Variants in MOSMO observed in about 807,000 individuals in gnomAD.
MOSMO encodes the protein modulator of smoothened.
A neutral mutation model predicts 18.4 loss-of-function variants in MOSMO; 5 were observed. The ratio of observed to expected loss-of-function variants is 0.27; its 90% CI spans 0.14 to 0.57. MOSMO has a LOEUF of 0.57. Among genes scored for constraint, MOSMO ranks in the 20% least tolerant of loss-of-function variants. The probability of loss-of-function intolerance (pLI) is 0.92; values close to 1 mark genes in which losing one functional copy is unlikely to be tolerated. For synonymous variants in MOSMO, 82 were observed against 82.3 expected (o/e 1.00, Z 0.02); for missense variants, 138 against 211.8 (o/e 0.65, Z 2.16).
rs1376861620 is a variant in MOSMO at position 22,075,521 on chromosome 16, A to G, written c.141A>G (p.Gln47=). The change falls in exon 2 of 3, where the codon CAA becomes CAG. Residue 47 remains glutamine (Q), a synonymous_variant. Coordinates refer to ENST00000542527, the MANE Select transcript of MOSMO (RefSeq NM_001164579.2). ...ALTVGLVRQC[Q]TIHGRDRTCI... is the part of the protein sequence containing the mutation. ...CTGTGGGCCTCGTGCGACAGTGTCA[A>G]ACAATCCATGGACGAGACCGGACGT... is the stretch of plus-strand genomic sequence containing the variant. The G allele has an allele frequency of 5.9e-6, 9 of 1,537,316 alleles. No individual in the cohort carries two copies. The highest frequency in any genetic ancestry group is 7.8e-6 in the Non-Finnish European group (9 of 1,146,918).
At chr16:22,076,981 C>A (rs1312988584) in intron 2 of MOSMO, among the ~76,000 whole-genome samples, 3 of 152,264 alleles carry the variant, frequency 2.0e-5, no homozygotes, top group East Asian at 1.9e-4. Context: ...TGAGACAATT[C>A]TTTTCTGGAG....
intron 1 of MOSMO, among the ~76,000 whole-genome samples, chr16:22,060,974 C>T (rs922932239): frequency 6.6e-6 from 1 of 152,026 alleles, no homozygotes; most frequent in African/African-American, 2.4e-5. Flanking sequence ...CTAAGCTTTT[C>T]ACTCCTAGGT....
chr16:22,091,256 G>T (rs575016844), downstream of MOSMO, among the ~76,000 whole-genome samples: 42 of 152,172 alleles, frequency 2.8e-4, no homozygotes, highest in Non-Finnish European at 5.6e-4. Context: ...CTCAACCCCA[G>T]TGACCAGTGG....
At chr16:22,030,368 A>G (rs72784926) in intron 1 of MOSMO, among the ~76,000 whole-genome samples, 125 of 152,318 alleles carry the variant, frequency 8.2e-4, no homozygotes, top group Non-Finnish European at 9.8e-4. Flanking sequence ...TTAAAAGTGT[A>G]TGTCTGCACA....
intron 1 of MOSMO, among the ~76,000 whole-genome samples, chr16:22,032,807 C>G (rs1183554333): frequency 6.6e-6 from 1 of 152,154 alleles, no homozygotes; most frequent in African/African-American, 2.4e-5. Context: ...CTCGACCTCC[C>G]AAAGTCTCGG....
At chr16:22,073,857 A>G (rs1158429983) in intron 1 of MOSMO, among the ~76,000 whole-genome samples, 1 of 151,976 alleles carries the variant, frequency 6.6e-6, no homozygotes, top group Non-Finnish European at 1.5e-5. Context: ...CCATAAGTAT[A>G]ATGTTGCTTG....
chr16:22,085,107 G>A (rs1199722867), downstream of MOSMO: 1 of 152,204 alleles, frequency 6.6e-6, no homozygotes, highest in East Asian at 1.9e-4. Flanking sequence ...GGCTGGAGGA[G>A]CAAATACAGA....
intron 1 of MOSMO, among the ~76,000 whole-genome samples, chr16:22,019,088 A>T (rs924404816): frequency 5.3e-5 from 8 of 152,202 alleles, no homozygotes; most frequent in African/African-American, 1.9e-4. Flanking sequence ...CAGAGAAGTC[A>T]CTTGCCTAAT....
chr16:22,031,992 G>A (rs1425079206), intron 1 of MOSMO, among the ~76,000 whole-genome samples: 1 of 152,126 alleles, frequency 6.6e-6, no homozygotes, highest in Non-Finnish European at 1.5e-5. Flanking sequence ...GAGGGTTCCA[G>A]TTTCTCCACA....
At chr16:22,011,646 G>T (rs930624873) in intron 1 of MOSMO, among the ~76,000 whole-genome samples, 3 of 152,146 alleles carry the variant, frequency 2.0e-5, no homozygotes, top group African/African-American at 7.2e-5. Flanking sequence ...ACAATGTGTG[G>T]CTGATGTGGG....
downstream of MOSMO, among the ~76,000 whole-genome samples, chr16:22,087,902 T>C (rs1901216386): frequency 6.6e-6 from 1 of 152,164 alleles, no homozygotes; most frequent in Non-Finnish European, 1.5e-5. Context: ...AAAAATAATA[T>C]AGGAAACAAA....
chr16:22,053,828 C>T (rs1197457699), intron 1 of MOSMO, among the ~76,000 whole-genome samples: 1 of 152,030 alleles, frequency 6.6e-6, no homozygotes, highest in African/African-American at 2.4e-5. Context: ...GTTATTGCTT[C>T]AAGGAAAAGA....
intron 2 of MOSMO, among the ~76,000 whole-genome samples, chr16:22,077,077 T>C (rs983628183): frequency 1.3e-5 from 2 of 152,166 alleles, no homozygotes; most frequent in African/African-American, 4.8e-5. Flanking sequence ...CTTCTTTATC[T>C]TTTACTCACA....
chr16:22,057,182 G>A (rs1165481573), intron 1 of MOSMO, among the ~76,000 whole-genome samples: 1 of 152,142 alleles, frequency 6.6e-6, no homozygotes, highest in Non-Finnish European at 1.5e-5. Flanking sequence ...CAATACCTAA[G>A]ACTGGGTACT....
chr16:22,042,319 C>A (rs1211201568), intron 1 of MOSMO, among the ~76,000 whole-genome samples: 3 of 130,038 alleles, frequency 2.3e-5, no homozygotes, highest in Non-Finnish European at 5.4e-5. Flanking sequence ...TATTTGACAC[C>A]TTTTCTAGGC....
intron 1 of MOSMO, among the ~76,000 whole-genome samples, chr16:22,062,722 C>A (rs1900671447): frequency 6.6e-6 from 1 of 152,190 alleles, no homozygotes; most frequent in East Asian, 1.9e-4. Context: ...GTTCTGAGTG[C>A]TCTGTATACA....
At chr16:22,029,635 A>C (rs1899953914) in intron 1 of MOSMO, among the ~76,000 whole-genome samples, 1 of 152,040 alleles carries the variant, frequency 6.6e-6, no homozygotes, top group South Asian at 2.1e-4. Context: ...TTATTTATTT[A>C]TTTATTTAGA....
chr16:22,035,995 T>C (rs970537865), intron 1 of MOSMO, among the ~76,000 whole-genome samples: 2 of 152,232 alleles, frequency 1.3e-5, no homozygotes, highest in African/African-American at 4.8e-5. Context: ...GCAATCTTTC[T>C]AAGCTTATTA....
In MOSMO at chr16:22,052,733, A is replaced by G. The variant is rs138370169; in HGVS notation, c.107-22754A>G. On this transcript the variant is annotated intron_variant, in intron 1 of 2. Transcript: ENST00000542527. ...AGAGAAACAAACTGTGGAAACATAC[A>G]TGTAATAAGATTGGATTCCATTTAT... Among the ~76,000 whole-genome samples, 1,258 of 152,314 alleles carry G rather than the reference A, an allele frequency of 8.3e-3. 11 individuals are homozygous for G. Among genetic ancestry groups the G allele is most frequent in the Non-Finnish European group, 0.013 (878 of 68,028 alleles).
Sources: allele counts gnomAD v4.1 joint callset (sites outside exome capture counted in the v4.1 genomes callset), GRCh38; gene constraint gnomAD v4.1.1; transcripts MANE v1.5; gene names NCBI Gene and HGNC (gene_info 2026-07-23, HGNC 2026-07-21).